Variants in SLIT2 observed in about 807,000 individuals in gnomAD.
SLIT2 encodes slit homolog 2 protein.
SLIT2 carries 41 observed loss-of-function variants against 185.7 expected under a neutral mutation model. The observed-to-expected ratio is 0.22, with a 90% CI of 0.17 to 0.29. The LOEUF (loss-of-function observed/expected upper bound fraction) is 0.29. SLIT2 is among the 10% of genes least tolerant of loss of function. The probability of loss-of-function intolerance (pLI) is 1.00; values close to 1 mark genes in which losing one functional copy is unlikely to be tolerated. For missense variants in SLIT2, 1,571 were observed against 1,909.0 expected, an observed-to-expected ratio of 0.82 and a Z score of 3.30; for synonymous variants, 693 against 680.2, an observed-to-expected ratio of 1.02 and a Z score of -0.29.
chr4:20,586,765 G>A (rs1055566846), intron 29 of SLIT2, among the ~76,000 whole-genome samples: 1 of 152,146 alleles, frequency 6.6e-6, no homozygotes. Flanking sequence ...AAAAGATCTG[G>A]CATGATTCCA....
chr4:20,484,989 T>C lies in SLIT2; in HGVS notation c.540-1211T>C, dbSNP rs1331673144. Among the ~76,000 whole-genome samples the C allele has an allele frequency of 6.6e-6, 1 of 152,178 alleles. No individual in the cohort carries two copies. The highest frequency in any genetic ancestry group is 2.4e-5 in the African/African-American group (1 of 41,462). ...TCTCTGCTCAGGCCCTGCAGTGAAC[T>C]TGCAACCCCTAATTCAAATCCTTGT... is the stretch of plus-strand genomic sequence containing the variant. On this transcript the variant is annotated intron_variant, in intron 6 of 36. Transcript: ENST00000504154. This position sits in a 1 kb window ranked among gnomAD's most constrained non-coding sequence, Gnocchi z 4.3.
intron 4 of SLIT2, among the ~76,000 whole-genome samples, chr4:20,332,438 G>T (rs1720147087): frequency 6.6e-6 from 1 of 152,132 alleles, no homozygotes; most frequent in African/African-American, 2.4e-5. Flanking sequence ...GCCAGGTGCG[G>T]TGGCTCACGC....
At chr4:20,467,954 T>A (rs532927425) in intron 5 of SLIT2, 131 bp downstream of exon 5, 1 of 472,364 alleles carries the variant, frequency 2.1e-6, no homozygotes, top group South Asian at 5.1e-5. Context: ...TAGGAGACCT[T>A]GTAACAGTAA....
At chr4:20,406,025 C>A (rs537169883) in intron 4 of SLIT2, among the ~76,000 whole-genome samples, 1 of 121,650 alleles carries the variant, frequency 8.2e-6, no homozygotes, top group African/African-American at 2.5e-5. Context: ...CTAATTCAGC[C>A]CTTGTATGAT....
At chr4:20,482,274 A>G (rs911659580) in intron 6 of SLIT2, among the ~76,000 whole-genome samples, 5 of 151,984 alleles carry the variant, frequency 3.3e-5, no homozygotes, top group South Asian at 2.1e-4. Flanking sequence ...AAAGTTTGCT[A>G]TCTTGGATGA....
At chr4:20,359,350 T>C (rs897883911) in intron 4 of SLIT2, among the ~76,000 whole-genome samples, 5 of 152,014 alleles carry the variant, frequency 3.3e-5, no homozygotes, top group Non-Finnish European at 5.9e-5. Flanking sequence ...GGGAGGGATT[T>C]CTGGTTAGGT....
chr4:20,509,407 G>T (rs1719501274), intron 9 of SLIT2, among the ~76,000 whole-genome samples: 1 of 152,030 alleles, frequency 6.6e-6, no homozygotes, highest in African/African-American at 2.4e-5. Context: ...GGCACCAACA[G>T]AAAGTAAAAT....
Position 20,291,476 on chromosome 4 carries a change from ATATATATATATATATATTTTTTTTTTT to A in SLIT2, c.395+22597_395+22623del, listed in dbSNP as rs1220426147. On this transcript the variant is annotated intron_variant, in intron 4 of 36. Transcript: ENST00000504154. Reference sequence around the variant, plus strand: ...TATATATATATATATATATATATATATATATATATATATATATTTTTTTTTTTTTTTTTTTTTTTTTTTTTTTACAGC... The same window carrying A: ...TATATATATATATATATATATATATATTTTTTTTTTTTTTTTTTTTACAGC... Among the ~76,000 whole-genome samples the A allele has an allele frequency of 7.8e-4, 12 of 15,418 alleles. No homozygotes were observed. In the East Asian group the frequency reaches 0.011, roughly 14 times the overall value. 10.1% of individuals were successfully genotyped at this position (15,418 alleles called of 152,430 possible). A position where few individuals can be genotyped will look rare whatever the true frequency, so the allele number is the denominator to read the frequency against.
In SLIT2 at chr4:20,313,801, G is replaced by A. The variant is rs541967102; in HGVS notation, c.395+44920G>A. Among the ~76,000 whole-genome samples, 66 of 152,164 alleles carry A rather than the reference G, an allele frequency of 4.3e-4. 1 individual carries two copies. The highest frequency in any genetic ancestry group is 8.7e-4 in the Non-Finnish European group (59 of 68,006). ...TTGTCCTCCTATGACGATCTTACGCGGCTGCTGATCTGAACACGAGGTGGC... is the reference window on the plus strand; with the variant it reads ...TTGTCCTCCTATGACGATCTTACGCAGCTGCTGATCTGAACACGAGGTGGC... On this transcript the variant is annotated intron_variant, in intron 4 of 36. Coordinates refer to ENST00000504154, the MANE Select transcript of SLIT2 (RefSeq NM_004787.4).
intron 4 of SLIT2, among the ~76,000 whole-genome samples, chr4:20,306,106 T>C (rs1193004713): frequency 6.6e-6 from 1 of 152,084 alleles, no homozygotes; most frequent in East Asian, 1.9e-4. Flanking sequence ...GGTAAAGTGG[T>C]AAAATTGGTT....
chr4:20,582,548 A>T (rs920803819), intron 29 of SLIT2, among the ~76,000 whole-genome samples: 1 of 152,186 alleles, frequency 6.6e-6, no homozygotes, highest in Non-Finnish European at 1.5e-5. Flanking sequence ...ATCCCTCTTC[A>T]TCCCAAGTAA....
At chr4:20,550,299 T>C (rs961063309) in intron 24 of SLIT2, among the ~76,000 whole-genome samples, 1 of 152,076 alleles carries the variant, frequency 6.6e-6, no homozygotes, top group Non-Finnish European at 1.5e-5. Context: ...CCATTTTCTG[T>C]TGGGTACTTT....
At chr4:20,301,170 A>G (rs1022141145) in intron 4 of SLIT2, among the ~76,000 whole-genome samples, 1 of 152,176 alleles carries the variant, frequency 6.6e-6, no homozygotes, top group Non-Finnish European at 1.5e-5. Context: ...CAAATAAGAT[A>G]TTGAAGAGCT....
At chr4:20,534,079 G>A (rs376097483) in intron 18 of SLIT2, among the ~76,000 whole-genome samples, 3 of 152,268 alleles carry the variant, frequency 2.0e-5, no homozygotes. Context: ...CCTTGTTCCA[G>A]TGCTTATATG....
At chr4:20,374,665 C>T (rs1723871889) in intron 4 of SLIT2, among the ~76,000 whole-genome samples, 1 of 151,600 alleles carries the variant, frequency 6.6e-6, no homozygotes, top group Admixed American at 6.6e-5. Flanking sequence ...TCCCTTTCTC[C>T]TTCTTTCCTT....
chr4:20,495,582 G>A (rs1217913612), intron 9 of SLIT2, among the ~76,000 whole-genome samples: 1 of 152,104 alleles, frequency 6.6e-6, no homozygotes, highest in Non-Finnish European at 1.5e-5. Flanking sequence ...TTGTATAATG[G>A]TGGGATTTAG....
chr4:20,421,919 G>A (rs1728201363), intron 4 of SLIT2, among the ~76,000 whole-genome samples: 1 of 152,136 alleles, frequency 6.6e-6, no homozygotes, highest in Admixed American at 6.6e-5. Flanking sequence ...TGTCAGAAAA[G>A]TCAGCCTATG....
At chr4:20,330,006 C>G (rs1413580531) in intron 4 of SLIT2, among the ~76,000 whole-genome samples, 1 of 151,778 alleles carries the variant, frequency 6.6e-6, no homozygotes, top group Non-Finnish European at 1.5e-5. Context: ...TCTTCTTTGC[C>G]TCTTTTATTT....
intron 4 of SLIT2, among the ~76,000 whole-genome samples, chr4:20,292,548 C>G (rs1488911247): frequency 6.6e-6 from 1 of 152,074 alleles, no homozygotes; most frequent in Non-Finnish European, 1.5e-5. Context: ...GAGAAACACT[C>G]TGACATAGTA....
Sources: gnomAD v4.1 joint callset for allele counts (sites outside exome capture counted in the v4.1 genomes callset) on GRCh38, gnomAD v4.1.1 for gene constraint, Gnocchi (gnomAD v3.1) non-coding constraint, MANE v1.5 for transcripts, NCBI Gene and HGNC (gene_info 2026-07-23, HGNC 2026-07-21) for gene names.